Variants in COL24A1 observed in about 807,000 individuals in gnomAD.
The protein encoded by COL24A1 is collagen alpha-1(XXIV) chain.
A neutral mutation model predicts 253.9 loss-of-function variants in COL24A1; 224 were observed. The observed-to-expected ratio is 0.88, with a 90% CI of 0.79 to 0.99. COL24A1 has a LOEUF of 0.99. COL24A1 is among the 50% of genes least tolerant of loss of function. COL24A1 has a pLI of 0.00. For synonymous variants in COL24A1, 685 were observed against 673.7 expected, an observed-to-expected ratio of 1.02 and a Z score of -0.26; for missense variants, 2,131 against 2,068.5, an observed-to-expected ratio of 1.03 and a Z score of -0.59.
chr1:85,879,136 T>C (rs1681532146), intron 32 of COL24A1, among the ~76,000 whole-genome samples: 1 of 152,158 alleles, frequency 6.6e-6, no homozygotes, highest in Non-Finnish European at 1.5e-5. Context: ...TTTGGTGATA[T>C]AGCTAAAAAC....
intron 18 of COL24A1, among the ~76,000 whole-genome samples, chr1:86,018,868 AT>A (rs201692671): frequency 6.6e-6 from 1 of 151,636 alleles, no homozygotes; most frequent in Non-Finnish European, 1.5e-5. Flanking sequence ...AGTTTTCTCT[AT>A]TTTTTTTTAA....
At chr1:86,069,304 A>G (rs1414695950) in intron 7 of COL24A1, among the ~76,000 whole-genome samples, 1 of 152,158 alleles carries the variant, frequency 6.6e-6, no homozygotes, top group Non-Finnish European at 1.5e-5. Flanking sequence ...TTAAGTAAAC[A>G]TTGGTGAAAG....
intron 7 of COL24A1, among the ~76,000 whole-genome samples, chr1:86,080,377 A>G (rs1270055758): frequency 6.6e-6 from 1 of 152,158 alleles, no homozygotes; most frequent in Non-Finnish European, 1.5e-5. Flanking sequence ...TGCTAGCACA[A>G]CAGGGAAACT....
chr1:85,901,956 C>T (rs942808206), intron 28 of COL24A1, among the ~76,000 whole-genome samples: 1 of 151,046 alleles, frequency 6.6e-6, no homozygotes. Flanking sequence ...GCACTATTCA[C>T]AATAGCAAAG....
At chr1:86,116,150 C>T (rs1033456576) in intron 3 of COL24A1, among the ~76,000 whole-genome samples, 7 of 148,694 alleles carry the variant, frequency 4.7e-5, no homozygotes, top group Admixed American at 2.0e-4. Flanking sequence ...CATATTCATT[C>T]ATTCATCTGT....
intron 47 of COL24A1, among the ~76,000 whole-genome samples, chr1:85,811,932 A>G (rs903608972): frequency 6.6e-6 from 1 of 152,232 alleles, no homozygotes; most frequent in African/African-American, 2.4e-5. Context: ...TAGAGATGCC[A>G]TATGAGCCCT....
chr1:86,004,696 CA>C (rs1695766879), intron 19 of COL24A1, among the ~76,000 whole-genome samples: 1 of 152,104 alleles, frequency 6.6e-6, no homozygotes, highest in African/African-American at 2.4e-5. Context: ...GTGCTTCCTT[CA>C]CCACACCCTG....
chr1:86,066,621 A>C (rs1362752819), intron 7 of COL24A1, among the ~76,000 whole-genome samples: 1 of 152,088 alleles, frequency 6.6e-6, no homozygotes, highest in Non-Finnish European at 1.5e-5. Flanking sequence ...TTTACTGATA[A>C]TAACAATGAA....
chr1:86,007,992 T>G (rs865985272), intron 19 of COL24A1, among the ~76,000 whole-genome samples: 1 of 152,096 alleles, frequency 6.6e-6, no homozygotes, highest in Non-Finnish European at 1.5e-5. Flanking sequence ...TGTGTCAATG[T>G]AGGTTCATCA....
Position 86,102,091 on chromosome 1 carries a change from G to A in COL24A1, c.1600-9771C>T, listed in dbSNP as rs558224400. Among the ~76,000 whole-genome samples, 56 of 151,782 alleles carry A rather than the reference G, an allele frequency of 3.7e-4. 1 individual carries two copies. Among genetic ancestry groups the A allele is most frequent in the Middle Eastern group, 3.4e-3 (1 of 294 alleles). On this transcript the variant is annotated intron_variant, in intron 5 of 59. Coordinates refer to ENST00000370571, the MANE Select transcript of COL24A1 (RefSeq NM_152890.7). ...GCTCATTTTTGGTCTGTTAAGGAAT[G>A]CAATTTCTTCTGGGTTCATTCTTGG...
intron 53 of COL24A1, among the ~76,000 whole-genome samples, chr1:85,767,881 C>A (rs1304940198): frequency 6.6e-6 from 1 of 152,162 alleles, no homozygotes; most frequent in South Asian, 2.1e-4. Flanking sequence ...CAACTATTAC[C>A]TATTACATGG....
chr1:86,151,757 CT>C (rs1379423344), intron 1 of COL24A1, among the ~76,000 whole-genome samples: 3 of 152,184 alleles, frequency 2.0e-5, no homozygotes, highest in Admixed American at 2.0e-4. Flanking sequence ...TAGGGTACCC[CT>C]GAGACTCTAA....
chr1:85,837,165 T>A (rs1169050956), intron 43 of COL24A1, among the ~76,000 whole-genome samples: 2 of 152,102 alleles, frequency 1.3e-5, no homozygotes, highest in Non-Finnish European at 2.9e-5. Context: ...ATAAATCCAC[T>A]CAATTCCTTG....
In COL24A1 at chr1:85,781,213, A is replaced by G; in HGVS notation, c.4338+7T>C. 2 of 1,584,564 alleles carry G rather than the reference A, an allele frequency of 1.3e-6. No homozygotes were observed. The highest frequency in any genetic ancestry group is 1.7e-6 in the Non-Finnish European group (2 of 1,162,980). ...AGTACAAAAGACTTGTATTATGATA[A>G]ACTTACAGTTCTACCTGTTGGGCCT... On this transcript the variant is annotated splice_region_variant and intron_variant, in intron 52 of 59. Transcript: ENST00000370571.
chr1:85,980,036 G>A (rs1303181509), intron 20 of COL24A1, among the ~76,000 whole-genome samples: 2 of 152,106 alleles, frequency 1.3e-5, no homozygotes, highest in Non-Finnish European at 2.9e-5. Context: ...TTTAACATAT[G>A]CAAGTCAATA....
rs762151921 is a variant in COL24A1, at chr1:85,784,281, T to C, written c.4145A>G (p.Asp1382Gly). 2.5e-6 allele frequency: 4 copies of C among 1,613,874 alleles called. No homozygotes were observed. The African/African-American group carries it at 5.3e-5, about 22-fold the overall frequency. ...GAQGDQGPCGDPGLKGQPGEY... is the reference protein window; with the variant it reads ...GAQGDQGPCGGPGLKGQPGEY... Reference sequence around the variant, plus strand: ...TACAGGCTGCCCTTTCAGGCCAGGGTCTCCACATGGTCCTTGATCACCTTG... The same window carrying C: ...TACAGGCTGCCCTTTCAGGCCAGGGCCTCCACATGGTCCTTGATCACCTTG... The change falls in exon 49 of 60, where the codon GAC (aspartate) becomes GGC (glycine). Residue 1382 changes from aspartate (D) to glycine (G), a missense_variant. Transcript: ENST00000370571.
rs573465528 is a variant in COL24A1 at position 85,873,876 on chromosome 1, A to G, written c.3138+773T>C. The stretch of plus-strand genomic sequence containing the variant: ...GGTACATTAATTAGTTGTCTTTTAG[A>G]TATGGAACTTGCAGAAATGTAGAGC... On this transcript the variant is annotated intron_variant, in intron 35 of 59. Transcript: ENST00000370571. Among the ~76,000 whole-genome samples the G allele has an allele frequency of 2.0e-5, 3 of 151,948 alleles. No individual in the cohort carries two copies. The East Asian group carries it at 5.8e-4, about 29-fold the overall frequency.
intron 31 of COL24A1, among the ~76,000 whole-genome samples, chr1:85,892,237 T>TTA (rs1002398226): frequency 4.6e-5 from 7 of 151,994 alleles, no homozygotes; most frequent in South Asian, 2.1e-4. Flanking sequence ...GGGATTAATT[T>TTA]TATATATATA....
Position 85,878,833 on chromosome 1 carries a change from T to A in COL24A1, c.2977-1658A>T, listed in dbSNP as rs373260038. Among the ~76,000 whole-genome samples the A allele has an allele frequency of 1.8e-4, 27 of 152,348 alleles. No homozygotes were observed. The East Asian group carries it at 4.6e-3, about 26-fold the overall frequency. On this transcript the variant is annotated intron_variant, in intron 32 of 59. Coordinates refer to ENST00000370571, the MANE Select transcript of COL24A1 (RefSeq NM_152890.7). Reference sequence around the variant, plus strand: ...TTTAATTTGTAATTTACTAATGACATATGATGTTGAGCATATTTTTACATT... The same window carrying A: ...TTTAATTTGTAATTTACTAATGACAAATGATGTTGAGCATATTTTTACATT...
Sources: gnomAD v4.1 joint callset for allele counts (sites outside exome capture counted in the v4.1 genomes callset) on GRCh38, gnomAD v4.1.1 for gene constraint, MANE v1.5 for transcripts, NCBI Gene and HGNC (gene_info 2026-07-23, HGNC 2026-07-21) for gene names.